Variants in BTBD3 observed in about 807,000 individuals in gnomAD.
The protein encoded by BTBD3 is BTB domain containing 3, also known as BTB/POZ domain-containing protein 3.
BTBD3 carries 14 observed loss-of-function variants against 41.6 expected under a neutral mutation model. The observed-to-expected ratio is 0.34, with a 90% CI of 0.22 to 0.53. The LOEUF is 0.53. Ranked by LOEUF, BTBD3 falls within the 20% of genes least tolerant of loss-of-function variation. The pLI is 0.95. For synonymous variants in BTBD3, 249 were observed against 233.7 expected, an observed-to-expected ratio of 1.07 and a Z score of -0.60; for missense variants, 426 against 654.7, an observed-to-expected ratio of 0.65 and a Z score of 3.81.
At chr20:11,901,157 C>T (rs934023779) in intron 1 of BTBD3, among the ~76,000 whole-genome samples, 4 of 152,192 alleles carry the variant, frequency 2.6e-5, no homozygotes, top group Non-Finnish European at 5.9e-5. Context: ...TGAGAAGCTA[C>T]AAAAGTCCCT....
intron 2 of BTBD3, chr20:11,919,483 A>G (rs2056947188): frequency 6.0e-6 from 8 of 1,341,174 alleles, no homozygotes; most frequent in East Asian, 2.5e-5. Context: ...CTATTATTGT[A>G]TGTATTTAGT....
At chr20:11,890,894 A>G in exon 1 of BTBD3, 1 of 984,710 alleles carries the variant, frequency 1.0e-6, no homozygotes, top group Non-Finnish European at 1.2e-6. Flanking sequence ...GGGCCTGAGG[A>G]GCGGGCACAG....
chr20:11,919,361 A>G (rs769941882), intron 2 of BTBD3, 185 bp downstream of exon 2: 8 of 1,416,314 alleles, frequency 5.6e-6, no homozygotes, highest in African/African-American at 1.4e-5. Context: ...GTTTCCTTCT[A>G]TACTGCTTTA....
At position 11,918,564 on chromosome 20, in the gene BTBD3, C is replaced by G. The variant is rs370376952; in HGVS notation, c.289C>G (p.Pro97Ala). ...NLSNNNLIPAPNWQGLYPTIR... is the reference protein window; with the variant it reads ...NLSNNNLIPAANWQGLYPTIR... ...CAGTAACAACAACCTTATCCCGGCC[C>G]CAAACTGGCAGGGTCTTTATCCCAC... The change falls in exon 1 of 4, where the codon CCA becomes GCA. Residue 97 changes from proline to alanine, a missense_variant. Physicochemically the swap from Pro to Ala is conservative, Grantham distance 27. Coordinates refer to ENST00000378226, the MANE Select transcript of BTBD3 (RefSeq NM_014962.4). 39 of 1,612,472 alleles carry G rather than the reference C, an allele frequency of 2.4e-5. No individual in the cohort carries two copies. The highest frequency in any genetic ancestry group is 9.9e-5 in the South Asian group (9 of 90,806).
intron 1 of BTBD3, among the ~76,000 whole-genome samples, chr20:11,894,510 T>G (rs2056774632): frequency 6.6e-6 from 1 of 151,742 alleles, no homozygotes; most frequent in Non-Finnish European, 1.5e-5. Context: ...TGATCATCTG[T>G]TTTTTTTCTT....
chr20:11,892,805 T>C (rs1009608591), intron 1 of BTBD3, among the ~76,000 whole-genome samples: 5 of 152,208 alleles, frequency 3.3e-5, no homozygotes, highest in Admixed American at 1.3e-4. Context: ...CCCTAAGTTA[T>C]ATCTTATATT....
chr20:11,912,239 TGGC>T (rs1183646231), intron 1 of BTBD3, among the ~76,000 whole-genome samples: 1 of 152,202 alleles, frequency 6.6e-6, no homozygotes, highest in Non-Finnish European at 1.5e-5. Flanking sequence ...TAGTGAGATA[TGGC>T]TGGGTGGCTA....
intron 1 of BTBD3, chr20:11,891,259 C>G (rs915057454): frequency 6.6e-6 from 1 of 151,284 alleles, no homozygotes; most frequent in African/African-American, 2.4e-5. Flanking sequence ...CCGCCTCAGC[C>G]GAAAGACCGC....
chr20:11,919,985 G>A (rs1600246070), intron 3 of BTBD3, 149 bp downstream of exon 3: 1 of 702,930 alleles, frequency 1.4e-6, no homozygotes. Context: ...TTTCGGAAAA[G>A]AACACTTTAG....
rs1030548155 is a variant in BTBD3, at chr20:11,891,044, G to A, written c.-126+90G>A. On this transcript the variant is annotated intron_variant, in intron 1 of 4. Coordinates refer to the BTBD3 transcript ENST00000254977. ...GGGCAGGGGCGCGCGCCCTGCGGCC[G>A]GCCGGAGGGGCCGAGCGAAGCGAGG... 1.3e-3 allele frequency: 1,167 copies of A among 890,378 alleles called. 9 individuals are homozygous for A. The African/African-American group carries it at 0.017, about 13-fold the overall frequency. The allele number at this position is 890,378 out of a possible 1,614,324, so 55.2% of individuals were successfully genotyped here. A position where few individuals can be genotyped will look rare whatever the true frequency, so the allele number is the denominator to read the frequency against.
At position 11,922,908 on chromosome 20, in the gene BTBD3, A is replaced by G. The variant is rs2056983395; in HGVS notation, c.811A>G (p.Ser271Gly). The G allele has an allele frequency of 6.2e-7, 1 of 1,614,264 alleles. No homozygotes were observed. Among genetic ancestry groups the G allele is most frequent in the African/African-American group, 1.3e-5 (1 of 75,076 alleles). Residue 271 changes from serine to glycine, a missense_variant, in exon 4 of 4, where the codon AGT (serine) becomes GGT (glycine). By Grantham distance (56) the Ser-to-Gly change is moderately conservative. This residue lies in a region of BTBD3 where 321 missense variants were observed against 534.8 expected (regional missense o/e 0.60). Coordinates refer to ENST00000378226, the MANE Select transcript of BTBD3 (RefSeq NM_014962.4). ...CGATATTGACTTCCAGACACTAGAAAGTATTCTCCGTAGGGAAACTCTGAA... is the reference window on the plus strand; with the variant it reads ...CGATATTGACTTCCAGACACTAGAAGGTATTCTCCGTAGGGAAACTCTGAA... ...FCDIDFQTLE[S>G]ILRRETLNAK... is the part of the protein sequence containing the mutation.
chr20:11,900,914 T>G (rs998283256), intron 1 of BTBD3, among the ~76,000 whole-genome samples: 1 of 151,994 alleles, frequency 6.6e-6, no homozygotes, highest in African/African-American at 2.4e-5. Flanking sequence ...GGTTTCACCA[T>G]GTTAGCCAGG....
At chr20:11,896,776 A>G (rs2056789534) in intron 1 of BTBD3, among the ~76,000 whole-genome samples, 1 of 152,246 alleles carries the variant, frequency 6.6e-6, no homozygotes. Flanking sequence ...AGTCCCAAAT[A>G]TTAAATTGGA....
At chr20:11,916,183 T>A (rs56387913), upstream of BTBD3, among the ~76,000 whole-genome samples, 4 of 152,256 alleles carry the variant, frequency 2.6e-5, no homozygotes, top group Non-Finnish European at 5.9e-5. Context: ...TTAATCCCAG[T>A]CAGAAAGGCC....
intron 1 of BTBD3, chr20:11,891,075 C>T: frequency 2.8e-6 from 2 of 703,138 alleles, no homozygotes; most frequent in Non-Finnish European, 3.5e-6. Context: ...CGAGGAGAGG[C>T]CGGGCTGGTG....
At position 11,919,101 on chromosome 20, in the gene BTBD3, C is replaced by A; in HGVS notation, c.342C>A (p.Phe114Leu). The change falls in exon 2 of 4, where the codon TTC becomes TTA. Residue 114 changes from phenylalanine to leucine, a missense_variant. Around this residue, in one of 3 missense-constraint regions of BTBD3, gnomAD observed 321 missense variants for 534.8 expected, o/e 0.60. Transcript: ENST00000378226. ...PTIRERNAMM[F>L]NNDLMADVHF... ...CTGTTTATAGAAATGCGATGATGTTCAATAATGATTTGATGGCAGATGTAC... is the reference window on the plus strand; with the variant it reads ...CTGTTTATAGAAATGCGATGATGTTAAATAATGATTTGATGGCAGATGTAC... The A allele has an allele frequency of 6.2e-7, 1 of 1,613,130 alleles. No individual in the cohort carries two copies. The highest frequency in any genetic ancestry group is 1.1e-5 in the South Asian group (1 of 90,902).
chr20:11,909,132 G>A (rs775257021), intron 1 of BTBD3, among the ~76,000 whole-genome samples: 2 of 151,932 alleles, frequency 1.3e-5, no homozygotes, highest in African/African-American at 2.4e-5. Context: ...AACTTAGCCC[G>A]GTGTGGTGGC....
At chr20:11,899,502 C>T (rs2056810859) in intron 1 of BTBD3, among the ~76,000 whole-genome samples, 1 of 152,124 alleles carries the variant, frequency 6.6e-6, no homozygotes, top group South Asian at 2.1e-4. Flanking sequence ...CTTTATTTTC[C>T]ATGGCTCCTC....
At position 11,923,565 on chromosome 20, in the gene BTBD3, C is replaced by T; in HGVS notation, c.1468C>T (p.Gln490Ter). ...TGGACAAGAAGGCATGACAGAAGTT[C>T]AGTGTGGCAAAGTGACTGTCCAGTT... is the stretch of plus-strand genomic sequence containing the variant. ...YFGQEGMTEV[Q>*]CGKVTVQFQC... The change falls in exon 4 of 4, where the codon CAG becomes TAG. Residue 490 changes from glutamine to a stop codon, truncating the protein, a stop_gained. Coordinates refer to ENST00000378226, the MANE Select transcript of BTBD3 (RefSeq NM_014962.4). LOFTEE classifies it high-confidence loss of function. The surrounding 1 kb of genome is among the most constrained non-coding windows in gnomAD (Gnocchi z 5.3). 6.2e-7 allele frequency: 1 copy of T among 1,614,168 alleles called. No individual in the cohort carries two copies. Among genetic ancestry groups the T allele is most frequent in the Non-Finnish European group, 8.5e-7 (1 of 1,180,034 alleles).
Sources: gnomAD v4.1 joint callset for allele counts (sites outside exome capture counted in the v4.1 genomes callset) on GRCh38, gnomAD v4.1.1 for gene constraint, gnomAD v4.1.1 regional missense constraint, Gnocchi (gnomAD v3.1) non-coding constraint, MANE v1.5 for transcripts, NCBI Gene and HGNC (gene_info 2026-07-23, HGNC 2026-07-21) for gene names.